WDR64: variants seen among roughly 807,000 people sequenced by gnomAD.
WDR64 encodes the protein WD repeat domain 64.
In WDR64, 112 loss-of-function variants were observed where a neutral mutation model predicts 139.3. The observed-to-expected ratio is 0.80, with a 90% CI of 0.69 to 0.94. WDR64 has a LOEUF of 0.94. Ranked by LOEUF, WDR64 falls within the 40% of genes least tolerant of loss-of-function variation. The probability of loss-of-function intolerance (pLI) is 0.00; values close to 1 mark genes in which losing one functional copy is unlikely to be tolerated. For missense variants in WDR64, 1,206 were observed against 1,293.1 expected (o/e 0.93, Z 1.03); for synonymous variants, 444 against 437.7 (o/e 1.01, Z -0.18).
At chr1:241,745,622 G>T (rs990048091) in intron 13 of WDR64, among the ~76,000 whole-genome samples, 4 of 144,498 alleles carry the variant, frequency 2.8e-5, no homozygotes, top group Admixed American at 2.0e-4. Context: ...ATTTTATTGT[G>T]TTTATTTATT....
intron 9 of WDR64, among the ~76,000 whole-genome samples, chr1:241,716,875 C>T (rs374241957): frequency 3.0e-4 from 46 of 152,144 alleles, no homozygotes; most frequent in Non-Finnish European, 5.4e-4. Flanking sequence ...CAACGAATAA[C>T]GGACAAAGCC....
In WDR64 at chr1:241,772,938, G is replaced by C. The variant is rs1658518382; in HGVS notation, c.2430+7G>C. 6.5e-7 allele frequency: 1 copy of C among 1,547,514 alleles called. No individual in the cohort carries two copies. Among genetic ancestry groups the C allele is most frequent in the African/African-American group, 1.4e-5 (1 of 72,842 alleles). The stretch of plus-strand genomic sequence containing the variant: ...CCGCTTGTGGACTCTGGAGGTAATG[G>C]AACCCAGCAAGTCTGGGAATAGGAA... On this transcript the variant is annotated splice_region_variant and intron_variant, in intron 20 of 27. Transcript: ENST00000437684.
At chr1:241,794,322 T>C (rs531559559) in intron 25 of WDR64, among the ~76,000 whole-genome samples, 9 of 152,226 alleles carry the variant, frequency 5.9e-5, no homozygotes, top group African/African-American at 1.9e-4. Context: ...AGGACTAAAA[T>C]AGTACAACCT....
At position 241,683,633 on chromosome 1, in the gene WDR64, T is replaced by G; in HGVS notation, c.771T>G (p.Phe257Leu). Reference protein sequence around the residue: ...VNRFTVNSDDFGIKQAKSKRK... With the variant: ...VNRFTVNSDDLGIKQAKSKRK... ...GATTCACAGTCAACAGTGATGACTT[T>G]GGAATAAAGCAGGCAAAATCCAAAA... The change falls in exon 7 of 28, where the codon TTT becomes TTG. Residue 257 changes from phenylalanine (F) to leucine (L), a missense_variant. By Grantham distance (22) the Phe-to-Leu change is conservative (BLOSUM62 0). Coordinates refer to ENST00000437684, the MANE Select transcript of WDR64 (RefSeq NM_001367482.1). 5 of 1,551,598 alleles carry G rather than the reference T, an allele frequency of 3.2e-6. No individual in the cohort carries two copies. Among genetic ancestry groups the G allele is most frequent in the Non-Finnish European group, 4.4e-6 (5 of 1,146,958 alleles).
At position 241,770,109 on chromosome 1, in the gene WDR64, C is replaced by T. The variant is rs58887667; in HGVS notation, c.2184-512C>T. Among the ~76,000 whole-genome samples, 597 of 152,320 alleles carry T rather than the reference C, an allele frequency of 3.9e-3. 6 individuals are homozygous for T. The highest frequency in any genetic ancestry group is 0.013 in the African/African-American group (546 of 41,568). On this transcript the variant is annotated intron_variant, in intron 17 of 27. Transcript: ENST00000437684. ...CCAGAGGTGAGCCAGAATGTAACCC[C>T]TTCCCTACCCCTTGGCATGAAATTT...
At chr1:241,730,542 A>G (rs1669036675) in intron 10 of WDR64, among the ~76,000 whole-genome samples, 1 of 152,186 alleles carries the variant, frequency 6.6e-6, no homozygotes, top group Non-Finnish European at 1.5e-5. Context: ...CATATTCACT[A>G]CAGCCTCCCT....
At chr1:241,704,300 A>G (rs1000188043) in intron 8 of WDR64, among the ~76,000 whole-genome samples, 8 of 152,190 alleles carry the variant, frequency 5.3e-5, no homozygotes, top group African/African-American at 1.7e-4. Flanking sequence ...AATGCACTGG[A>G]AAGTATATGA....
chr1:241,757,649 G>GTTTT (rs35256499), intron 15 of WDR64, among the ~76,000 whole-genome samples, 190 bp downstream of exon 15: 42 of 95,182 alleles, frequency 4.4e-4, no homozygotes, highest in African/African-American at 5.3e-4. Flanking sequence ...CAATGGATTT[G>GTTTT]TTTTTTTTTT....
chr1:241,738,990 C>T (rs528227735), intron 11 of WDR64, among the ~76,000 whole-genome samples: 3 of 152,284 alleles, frequency 2.0e-5, no homozygotes, highest in South Asian at 2.1e-4. Flanking sequence ...ACCAGCGTAC[C>T]GAGTCAATGC....
chr1:241,655,002 G>A (rs1380921316), intron 1 of WDR64, among the ~76,000 whole-genome samples: 1 of 152,160 alleles, frequency 6.6e-6, no homozygotes, highest in African/African-American at 2.4e-5. Context: ...CTAGTTCGAA[G>A]TATTTTGGAT....
At chr1:241,729,882 C>T (rs1327955585) in intron 10 of WDR64, among the ~76,000 whole-genome samples, 2 of 152,154 alleles carry the variant, frequency 1.3e-5, no homozygotes, top group African/African-American at 4.8e-5. Context: ...TTGGAAACAT[C>T]CATGATTGAG....
intron 10 of WDR64, among the ~76,000 whole-genome samples, chr1:241,736,659 T>C (rs1669338677): frequency 6.6e-6 from 1 of 152,110 alleles, no homozygotes; most frequent in Non-Finnish European, 1.5e-5. Flanking sequence ...GCCCAGCAAC[T>C]GCCACTTCTC....
intron 8 of WDR64, among the ~76,000 whole-genome samples, chr1:241,688,957 C>A (rs1667111065): frequency 6.6e-6 from 1 of 152,124 alleles, no homozygotes; most frequent in Non-Finnish European, 1.5e-5. Flanking sequence ...ACATGTTGTT[C>A]TTTCCAAGGT....
At chr1:241,707,650 C>A (rs77379801) in intron 8 of WDR64, among the ~76,000 whole-genome samples, 2 of 152,236 alleles carry the variant, frequency 1.3e-5, no homozygotes, top group East Asian at 1.9e-4. Context: ...TGTATGTCTA[C>A]CCCAACCAGG....
chr1:241,801,856 TC>T lies in WDR64; in HGVS notation c.*642del. The T allele has an allele frequency of 2.5e-6, 1 of 398,146 alleles. No individual in the cohort carries two copies. The highest frequency in any genetic ancestry group is 3.6e-5 in the East Asian group (1 of 27,960). 24.7% of individuals were successfully genotyped at this position (398,146 alleles called of 1,614,324 possible). On this transcript the variant is annotated 3_prime_UTR_variant, in exon 28 of 28. Transcript: ENST00000437684. Reference sequence around the variant, plus strand: ...CATGGTAGATTTAACCTTAAATATATCAATAATTATGAAACCTTTAATAGGT... The same window carrying T: ...CATGGTAGATTTAACCTTAAATATATAATAATTATGAAACCTTTAATAGGT...
chr1:241,738,255 G>T, intron 10 of WDR64, 108 bp from the exon 11 acceptor site: 1 of 1,310,256 alleles, frequency 7.6e-7, no homozygotes, highest in Non-Finnish European at 1.0e-6. Flanking sequence ...GTAATACTTT[G>T]GTATAAGTTT....
chr1:241,779,375 T>C (rs1198419047), intron 21 of WDR64, among the ~76,000 whole-genome samples: 2 of 152,334 alleles, frequency 1.3e-5, no homozygotes, highest in South Asian at 4.1e-4. Context: ...TTTTTGTAAC[T>C]ATCATTTAAA....
intron 1 of WDR64, among the ~76,000 whole-genome samples, chr1:241,658,946 G>A (rs1241604133): frequency 1.3e-5 from 2 of 151,576 alleles, no homozygotes; most frequent in African/African-American, 2.4e-5. Flanking sequence ...AGGATGTGCA[G>A]GTCTGTTACA....
intron 1 of WDR64, among the ~76,000 whole-genome samples, chr1:241,657,443 G>A (rs376945479): frequency 7.9e-5 from 12 of 152,064 alleles, no homozygotes; most frequent in African/African-American, 2.9e-4. Flanking sequence ...GCCCTCCTTC[G>A]CCCCTGGTCT....
Sources: gnomAD v4.1 joint callset for allele counts (sites outside exome capture counted in the v4.1 genomes callset) on GRCh38, gnomAD v4.1.1 for gene constraint, MANE v1.5 for transcripts, NCBI Gene and HGNC (gene_info 2026-07-23, HGNC 2026-07-21) for gene names.